Variants in SLC25A26 observed in about 807,000 individuals in gnomAD.
The protein encoded by SLC25A26 is solute carrier family 25 member 26.
A neutral mutation model predicts 37.8 loss-of-function variants in SLC25A26; 36 were observed. The ratio of observed to expected loss-of-function variants is 0.95; its 90% CI spans 0.73 to 1.26. The LOEUF (loss-of-function observed/expected upper bound fraction) is 1.26, where lower values mean the gene tolerates loss of function less well. Among genes scored for constraint, SLC25A26 ranks in the 50% most tolerant of loss-of-function variants. The pLI, the probability that SLC25A26 is intolerant of heterozygous loss-of-function variation, is 0.00. For missense variants in SLC25A26, 390 were observed against 331.1 expected, an observed-to-expected ratio of 1.18 and a Z score of -1.38; for synonymous variants, 129 against 122.5, an observed-to-expected ratio of 1.05 and a Z score of -0.35.
chr3:66,200,400 A>G (rs2071093945), intron 1 of SLC25A26, among the ~76,000 whole-genome samples: 1 of 152,208 alleles, frequency 6.6e-6, no homozygotes, highest in Non-Finnish European at 1.5e-5. Flanking sequence ...CAGCATACAG[A>G]CCACAAGGAT....
intron 1 of SLC25A26, among the ~76,000 whole-genome samples, chr3:66,196,404 G>C (rs1169686591): frequency 3.3e-5 from 5 of 152,160 alleles, no homozygotes; most frequent in Admixed American, 3.3e-4. Flanking sequence ...TGCATTGGGG[G>C]AGAATGCACA....
intron 5 of SLC25A26, among the ~76,000 whole-genome samples, chr3:66,332,413 A>C (rs1199470964): frequency 6.6e-6 from 1 of 152,310 alleles, no homozygotes. Flanking sequence ...TGTTGCTATA[A>C]CAATTAATAG....
At chr3:66,355,930 C>T (rs554256479) in intron 6 of SLC25A26, 35 of 440,650 alleles carry the variant, frequency 7.9e-5, no homozygotes, top group Non-Finnish European at 1.4e-4. Flanking sequence ...TAAATTTTGT[C>T]ATGTGATGTT....
chr3:66,366,449 G>C (rs2076826250), intron 7 of SLC25A26, among the ~76,000 whole-genome samples: 1 of 152,182 alleles, frequency 6.6e-6, no homozygotes, highest in Non-Finnish European at 1.5e-5. Flanking sequence ...TTTGATAGTT[G>C]AAGACAGGCA....
At chr3:66,274,443 TAC>T (rs2074061931) in intron 5 of SLC25A26, among the ~76,000 whole-genome samples, 1 of 151,954 alleles carries the variant, frequency 6.6e-6, no homozygotes, top group Non-Finnish European at 1.5e-5. Flanking sequence ...CAAAAGAAAC[TAC>T]CATCAGAGTG....
At chr3:66,372,274 T>C (rs749676100) in intron 9 of SLC25A26, among the ~76,000 whole-genome samples, 1 of 152,240 alleles carries the variant, frequency 6.6e-6, no homozygotes, top group African/African-American at 2.4e-5. Flanking sequence ...ACCACTTCAA[T>C]TGACCTTAGC....
rs1340784969 is a variant in SLC25A26 at position 66,178,084 on chromosome 3, G to A, written c.-353-42658G>A. Reference sequence around the variant, plus strand: ...GGAAAACTTACTCTCCCCATCATTCGTTGAATTTCAGGAAGCAGGGCAGCA... The same window carrying A: ...GGAAAACTTACTCTCCCCATCATTCATTGAATTTCAGGAAGCAGGGCAGCA... On this transcript the variant is annotated intron_variant, in intron 1 of 10. Coordinates refer to the SLC25A26 transcript ENST00000676754. Among the ~76,000 whole-genome samples, 10 of 152,260 alleles carry A rather than the reference G, an allele frequency of 6.6e-5. No homozygotes were observed. In the South Asian group the frequency reaches 1.5e-3, roughly 22 times the overall value.
intron 2 of SLC25A26, among the ~76,000 whole-genome samples, chr3:66,242,170 A>T (rs2072615833): frequency 6.6e-6 from 1 of 152,192 alleles, no homozygotes; most frequent in Admixed American, 6.5e-5. Flanking sequence ...AGGAAGTTTT[A>T]CCACTGTCTC....
intron 9 of SLC25A26, among the ~76,000 whole-genome samples, chr3:66,375,562 T>TTC (rs1345775888): frequency 2.8e-4 from 43 of 152,328 alleles, no homozygotes; most frequent in African/African-American, 8.4e-4. Flanking sequence ...TCCTAGAGCC[T>TTC]TTAAGAATGG....
rs554155873 is a variant in SLC25A26 at position 66,159,337 on chromosome 3, T to A, written c.-354+25353T>A. ...AATGAAGAAAGGGGTGATATACTCA[T>A]CCATGACCTATTAAATCCTCATTTT... On this transcript the variant is annotated intron_variant, in intron 1 of 10. Coordinates refer to the SLC25A26 transcript ENST00000676754. Among the ~76,000 whole-genome samples the A allele has an allele frequency of 2.2e-4, 33 of 152,362 alleles. No individual in the cohort carries two copies. In the South Asian group the frequency reaches 4.3e-3, roughly 20 times the overall value.
intron 5 of SLC25A26, among the ~76,000 whole-genome samples, chr3:66,293,570 C>T (rs1431930288): frequency 1.3e-5 from 2 of 151,468 alleles, no homozygotes; most frequent in African/African-American, 4.9e-5. Flanking sequence ...GCTGCAGTGT[C>T]TCTTATTCCC....
At chr3:66,312,780 G>A (rs1025387280) in intron 5 of SLC25A26, among the ~76,000 whole-genome samples, 7 of 152,044 alleles carry the variant, frequency 4.6e-5, no homozygotes, top group Non-Finnish European at 1.0e-4. Context: ...AGTGCTTCTC[G>A]GGTGAGGCAA....
chr3:66,209,898 T>TATATATTTA lies in SLC25A26; in HGVS notation c.-353-10844_-353-10843insATATATTTA, dbSNP rs2071256377. On this transcript the variant is annotated intron_variant, in intron 1 of 10. Coordinates refer to the SLC25A26 transcript ENST00000676754. ...TATACTCCTCTCTCTCTCTCTCTATTTATATATATATATATATATATATAT... is the reference window on the plus strand; with the variant it reads ...TATACTCCTCTCTCTCTCTCTCTATTATATATTTATATATATATATATATATATATATAT... Among the ~76,000 whole-genome samples the TATATATTTA allele has an allele frequency of 2.1e-4, 8 of 38,616 alleles. 1 individual carries two copies. The highest frequency in any genetic ancestry group is 7.0e-4 in the African/African-American group (8 of 11,376). 25.3% of individuals were successfully genotyped at this position (38,616 alleles called of 152,430 possible).
intron 1 of SLC25A26, among the ~76,000 whole-genome samples, chr3:66,231,927 C>A (rs1410958068): frequency 3.3e-5 from 5 of 152,084 alleles, no homozygotes; most frequent in African/African-American, 1.2e-4. Context: ...TGAGCCACTG[C>A]ACCCAGCCTA....
chr3:66,209,313 AC>A lies in SLC25A26; in HGVS notation c.-353-11428del, dbSNP rs1212325431. Among the ~76,000 whole-genome samples, 657 of 139,362 alleles carry A rather than the reference AC, an allele frequency of 4.7e-3. 2 individuals are homozygous for A. Among genetic ancestry groups the A allele is most frequent in the African/African-American group, 0.016 (626 of 38,952 alleles). 91.4% of individuals were successfully genotyped at this position (139,362 alleles called of 152,430 possible). On this transcript the variant is annotated intron_variant, in intron 1 of 10. Transcript: ENST00000676754. ...TATATAGCTATATGTATGTATATAT[AC>A]ATATATATCTATATGTATGTATATA... is the stretch of plus-strand genomic sequence containing the variant.
chr3:66,202,030 T>A (rs1398637237), intron 1 of SLC25A26, among the ~76,000 whole-genome samples: 3 of 152,104 alleles, frequency 2.0e-5, no homozygotes, highest in Non-Finnish European at 4.4e-5. Flanking sequence ...ACCCAAAGGA[T>A]TATAAATCAT....
chr3:66,232,582 C>A (rs2072085420), intron 1 of SLC25A26, among the ~76,000 whole-genome samples: 1 of 152,154 alleles, frequency 6.6e-6, no homozygotes, highest in East Asian at 1.9e-4. Context: ...TTGGAAACAA[C>A]AAGATCTAAA....
At chr3:66,259,952 G>A (rs1305472411) in intron 3 of SLC25A26, among the ~76,000 whole-genome samples, 1 of 152,160 alleles carries the variant, frequency 6.6e-6, no homozygotes, top group Non-Finnish European at 1.5e-5. Flanking sequence ...GTGGGCAGCT[G>A]CCAGCTTTGG....
At chr3:66,201,806 T>G (rs1284020486) in intron 1 of SLC25A26, among the ~76,000 whole-genome samples, 1 of 152,208 alleles carries the variant, frequency 6.6e-6, no homozygotes, top group Non-Finnish European at 1.5e-5. Flanking sequence ...AATGACTATT[T>G]CTTTTGCAAC....
Sources: allele counts gnomAD v4.1 joint callset (sites outside exome capture counted in the v4.1 genomes callset), GRCh38; gene constraint gnomAD v4.1.1; transcripts MANE v1.5; gene names NCBI Gene and HGNC (gene_info 2026-07-23, HGNC 2026-07-21).